Variants in PHC3 observed in about 807,000 individuals in gnomAD.
PHC3 encodes polyhomeotic homolog 3, also known as polyhomeotic-like protein 3.
In PHC3, 13 loss-of-function variants were observed where a neutral mutation model predicts 107.4. The observed-to-expected ratio is 0.12, with a 90% CI of 0.08 to 0.19. The LOEUF is 0.19. PHC3 is among the 10% of genes least tolerant of loss of function. PHC3 has a pLI of 1.00. For synonymous variants in PHC3, 456 were observed against 427.4 expected (o/e 1.07, Z -0.83); for missense variants, 992 against 1,210.9 (o/e 0.82, Z 2.68).
chr3:170,156,253 A>G (rs892632871), intron 4 of PHC3, among the ~76,000 whole-genome samples: 5 of 151,686 alleles, frequency 3.3e-5, no homozygotes, highest in Non-Finnish European at 7.4e-5. Flanking sequence ...ATCCGGCCCT[A>G]TGCAGAATTT....
chr3:170,115,370 T>C (rs1042283595), intron 10 of PHC3, among the ~76,000 whole-genome samples: 3 of 152,104 alleles, frequency 2.0e-5, no homozygotes, highest in Admixed American at 1.3e-4. Context: ...ATCTATAACA[T>C]ATATACATTA....
intron 4 of PHC3, among the ~76,000 whole-genome samples, chr3:170,163,535 A>T (rs906666079): frequency 6.6e-6 from 1 of 151,834 alleles, no homozygotes; most frequent in African/African-American, 2.4e-5. Context: ...AAACAAACAA[A>T]ATTAACTAAA....
At chr3:170,105,590 T>G (rs1716343487) in intron 12 of PHC3, among the ~76,000 whole-genome samples, 1 of 152,238 alleles carries the variant, frequency 6.6e-6, no homozygotes. Context: ...TCATATAATC[T>G]GTAACGATCA....
chr3:170,120,256 C>G (rs1307269525), intron 9 of PHC3, among the ~76,000 whole-genome samples: 1 of 152,024 alleles, frequency 6.6e-6, no homozygotes, highest in Non-Finnish European at 1.5e-5. Flanking sequence ...ATACTATAAA[C>G]TTTCTTAAGT....
intron 8 of PHC3, chr3:170,126,040 T>A: frequency 2.4e-6 from 2 of 832,028 alleles, no homozygotes; most frequent in Non-Finnish European, 2.9e-6. Context: ...TTCTAAATTA[T>A]CTACCCTCAA....
chr3:170,111,938 T>C (rs1040326495), intron 11 of PHC3, among the ~76,000 whole-genome samples: 2 of 152,136 alleles, frequency 1.3e-5, no homozygotes, highest in Non-Finnish European at 2.9e-5. Flanking sequence ...TACTAATACA[T>C]TGAGGATAAT....
chr3:170,145,768 GA>G (rs1215952393), intron 5 of PHC3, among the ~76,000 whole-genome samples: 13 of 152,122 alleles, frequency 8.5e-5, no homozygotes, highest in Non-Finnish European at 1.5e-4. Flanking sequence ...ACTCAAAAAA[GA>G]AAATATATTT....
At chr3:170,181,676 A>G (rs779043603) in intron 1 of PHC3, 26 bp downstream of exon 1, 81 of 1,613,076 alleles carry the variant, frequency 5.0e-5, no homozygotes, top group Non-Finnish European at 6.4e-5. Context: ...CCTAGTTACG[A>G]CATCAGTCAC....
chr3:170,179,751 C>T (rs1731082751), intron 1 of PHC3, among the ~76,000 whole-genome samples: 1 of 152,184 alleles, frequency 6.6e-6, no homozygotes, highest in Admixed American at 6.5e-5. Flanking sequence ...CAAAATTCCA[C>T]TAAATACAGA....
chr3:170,146,018 C>A (rs1018848195), intron 5 of PHC3, among the ~76,000 whole-genome samples: 3 of 152,176 alleles, frequency 2.0e-5, no homozygotes, highest in African/African-American at 7.2e-5. Context: ...TTTCACTTAG[C>A]TACAAAGGAT....
chr3:170,117,383 A>C lies in PHC3; in HGVS notation c.2036T>G (p.Leu679Trp). 6.2e-7 allele frequency: 1 copy of C among 1,613,948 alleles called. No homozygotes were observed. The highest frequency in any genetic ancestry group is 8.5e-7 in the Non-Finnish European group (1 of 1,179,858). The change falls in exon 10 of 15, where the codon TTG becomes TGG. Residue 679 changes from leucine (L) to tryptophan (W), a missense_variant. By Grantham distance (61) the Leu-to-Trp change is moderately conservative. This residue lies in a region of PHC3 where 543 missense variants were observed against 590.8 expected (regional missense o/e 0.92). Coordinates refer to ENST00000495893, the MANE Select transcript of PHC3 (RefSeq NM_024947.4). The stretch of plus-strand genomic sequence containing the variant: ...CCTTGTGGTGGCAGCTGGAAGTAAC[A>C]ATGGAGGTGGTGGAACAGAAACATG... ...PSHVSVPPPP[L>W]LLPAATTRSN...
intron 3 of PHC3, 134 bp downstream of exon 3, chr3:170,172,423 T>C: frequency 3.2e-6 from 3 of 925,084 alleles, no homozygotes; most frequent in Non-Finnish European, 4.8e-6. Context: ...CGGCAACCTA[T>C]TAATATATTT....
At chr3:170,136,704 TG>T (rs1304127990) in intron 6 of PHC3, 39 bp from the exon 7 acceptor site, 3 of 1,594,264 alleles carry the variant, frequency 1.9e-6, no homozygotes, top group Non-Finnish European at 2.6e-6. Context: ...TGAAAACAGA[TG>T]GTTTTAATTG....
intron 7 of PHC3, among the ~76,000 whole-genome samples, chr3:170,132,112 C>T (rs935806272): frequency 5.3e-5 from 8 of 152,174 alleles, no homozygotes; most frequent in African/African-American, 1.9e-4. Context: ...TGGTTAATTT[C>T]TCTGATTTTA....
rs888507 is a variant in PHC3 at position 170,093,251 on chromosome 3, G to C, written c.*3979C>G. The C allele has an allele frequency of 0.11, 16,069 of 152,164 alleles. 938 individuals are homozygous for C. The highest frequency in any genetic ancestry group is 0.16 in the Middle Eastern group (46 of 294). The allele number at this position is 152,164 out of a possible 1,614,324, so 9.4% of individuals were successfully genotyped here. On this transcript the variant is annotated 3_prime_UTR_variant, in exon 15 of 15. Transcript: ENST00000495893. ...AGCCCCCATACGAAATCCTCTCTAA[G>C]GATTCTGAGACAAAGATCTCTCCAA...
chr3:170,113,900 A>G (rs1321588505), intron 10 of PHC3, among the ~76,000 whole-genome samples: 1 of 152,210 alleles, frequency 6.6e-6, no homozygotes, highest in Non-Finnish European at 1.5e-5. Flanking sequence ...AACAAAGGCA[A>G]TAACTGTCAG....
rs1201987701 is a variant in PHC3, at chr3:170,165,753, C to CAAA, written c.414+5617_414+5619dup. On this transcript the variant is annotated intron_variant, in intron 4 of 14. Transcript: ENST00000495893. ...TGGGTGACAGAGCAAGACCTTGTCT[C>CAAA]AAAAAAAAAAAAAAAAAAAAAAAAA... 1.2e-3 allele frequency among the ~76,000 whole-genome samples: 48 copies of CAAA among 41,090 alleles called. 1 individual carries two copies. The highest frequency in any genetic ancestry group is 2.6e-3 in the African/African-American group (29 of 11,146). The allele number at this position is 41,090 out of a possible 152,430, so 27.0% of individuals were successfully genotyped here.
chr3:170,172,160 T>C (rs1484247853), intron 3 of PHC3, among the ~76,000 whole-genome samples: 1 of 152,124 alleles, frequency 6.6e-6, no homozygotes, highest in African/African-American at 2.4e-5. Flanking sequence ...AGGAACAGCT[T>C]TACTTTATCT....
At position 170,091,602 on chromosome 3, in the gene PHC3, G is replaced by A. The variant is rs1576931506; in HGVS notation, c.*5628C>T. Reference sequence around the variant, plus strand: ...AAATGTTCCCATAAACATGACACTTGGAAGGGGTGTGTGCATGTGTCTGAG... The same window carrying A: ...AAATGTTCCCATAAACATGACACTTAGAAGGGGTGTGTGCATGTGTCTGAG... On this transcript the variant is annotated 3_prime_UTR_variant, in exon 15 of 15. Transcript: ENST00000495893. 1 of 152,150 alleles carries A rather than the reference G, an allele frequency of 6.6e-6. No homozygotes were observed. The highest frequency in any genetic ancestry group is 1.9e-4 in the East Asian group (1 of 5,196). The allele number at this position is 152,150 out of a possible 1,614,324, so 9.4% of individuals were successfully genotyped here.
Sources: gnomAD v4.1 joint callset for allele counts (sites outside exome capture counted in the v4.1 genomes callset) on GRCh38, gnomAD v4.1.1 for gene constraint, gnomAD v4.1.1 regional missense constraint, MANE v1.5 for transcripts, NCBI Gene and HGNC (gene_info 2026-07-23, HGNC 2026-07-21) for gene names.